Variants in HSPA4L observed in about 807,000 individuals in gnomAD.
The protein encoded by HSPA4L is heat shock 70 kDa protein 4L.
In HSPA4L, 48 loss-of-function variants were observed where a neutral mutation model predicts 100.3. The observed-to-expected ratio is 0.48, with a 90% CI of 0.38 to 0.61. The LOEUF (loss-of-function observed/expected upper bound fraction) is 0.61, where lower values mean the gene tolerates loss of function less well. HSPA4L is among the 20% of genes least tolerant of loss of function. The pLI is 0.00. For missense variants in HSPA4L, 886 were observed against 988.6 expected (o/e 0.90, Z 1.39); for synonymous variants, 319 against 328.2 (o/e 0.97, Z 0.30).
At chr4:127,801,536 G>A (rs1010345696) in intron 5 of HSPA4L, among the ~76,000 whole-genome samples, 3 of 150,678 alleles carry the variant, frequency 2.0e-5, no homozygotes, top group African/African-American at 7.4e-5. Context: ...TTACTTTGTA[G>A]TACAACTTTT....
chr4:127,831,328 C>T (rs1734075111), intron 18 of HSPA4L, among the ~76,000 whole-genome samples: 1 of 151,656 alleles, frequency 6.6e-6, no homozygotes, highest in African/African-American at 2.4e-5. Flanking sequence ...TGGTGAAACC[C>T]CATCTCTACA....
rs1734254630 is a variant in HSPA4L, at chr4:127,838,116, A to C, written c.*5242A>C. On this transcript the variant is annotated 3_prime_UTR_variant, in exon 19 of 19. Transcript: ENST00000296464. Reference sequence around the variant, plus strand: ...CCGCACCTGGCCAATGTTCTTTTATATACTCATGTTTTCTAACAAAACAGC... The same window carrying C: ...CCGCACCTGGCCAATGTTCTTTTATCTACTCATGTTTTCTAACAAAACAGC... The C allele has an allele frequency of 6.6e-6, 1 of 152,120 alleles. No individual in the cohort carries two copies. The highest frequency in any genetic ancestry group is 2.4e-5 in the African/African-American group (1 of 41,424). 9.4% of individuals were successfully genotyped at this position (152,120 alleles called of 1,614,324 possible).
In HSPA4L at chr4:127,833,874, C is replaced by CACTTAT. The variant is rs1157600709; in HGVS notation, c.*1003_*1008dup. 5 of 152,060 alleles carry CACTTAT rather than the reference C, an allele frequency of 3.3e-5. No individual in the cohort carries two copies. The East Asian group carries it at 9.6e-4, about 29-fold the overall frequency. 9.4% of individuals were successfully genotyped at this position (152,060 alleles called of 1,614,324 possible). On this transcript the variant is annotated 3_prime_UTR_variant, in exon 19 of 19. Coordinates refer to ENST00000296464, the MANE Select transcript of HSPA4L (RefSeq NM_014278.4). The stretch of plus-strand genomic sequence containing the variant: ...TTAAGTGGTAATACTTGAAAAGGAG[C>CACTTAT]ACTTATACCATAAGTCTTAGGAAAT...
chr4:127,800,296 A>G (rs1005413157), intron 4 of HSPA4L, among the ~76,000 whole-genome samples: 11 of 151,878 alleles, frequency 7.2e-5, no homozygotes, highest in Admixed American at 7.2e-4. Context: ...CCGTCTCTAC[A>G]GTTTTGTTTT....
At chr4:127,828,007 T>G (rs1733991095) in intron 17 of HSPA4L, among the ~76,000 whole-genome samples, 2 of 152,144 alleles carry the variant, frequency 1.3e-5, no homozygotes, top group Admixed American at 1.3e-4. Flanking sequence ...AGCTTATTGT[T>G]TTGTTTCCTC....
intron 6 of HSPA4L, 42 bp from the exon 7 acceptor site, chr4:127,803,587 C>A: frequency 1.4e-6 from 2 of 1,428,756 alleles, no homozygotes; most frequent in South Asian, 1.6e-5. Flanking sequence ...TTGGAAGAAT[C>A]TATATTTCTG....
At chr4:127,786,411 T>G (rs1732719269) in intron 1 of HSPA4L, among the ~76,000 whole-genome samples, 1 of 152,234 alleles carries the variant, frequency 6.6e-6, no homozygotes, top group Admixed American at 6.5e-5. Context: ...AATAAATGTC[T>G]AATTTTAGCT....
intron 18 of HSPA4L, among the ~76,000 whole-genome samples, chr4:127,831,976 A>C (rs978211746): frequency 1.3e-5 from 2 of 151,938 alleles, no homozygotes; most frequent in Admixed American, 6.6e-5. Flanking sequence ...AGATGAGATG[A>C]GATGTGGAGT....
At position 127,819,999 on chromosome 4, in the gene HSPA4L, G is replaced by A. The variant is rs1297585862; in HGVS notation, c.1675-429G>A. On this transcript the variant is annotated intron_variant, in intron 13 of 18. Transcript: ENST00000296464. ...ATATACCTAGGAATGGAATTGCTGG[G>A]TCATAATTGTTTAACATTTTTGTTA... Among the ~76,000 whole-genome samples the A allele has an allele frequency of 3.9e-5, 6 of 152,034 alleles. No homozygotes were observed. In the East Asian group the frequency reaches 1.2e-3, roughly 29 times the overall value.
In HSPA4L at chr4:127,803,698, T is replaced by G. The variant is rs1733260148; in HGVS notation, c.733T>G (p.Cys245Gly). 1 of 1,613,814 alleles carries G rather than the reference T, an allele frequency of 6.2e-7. No individual in the cohort carries two copies. Among genetic ancestry groups the G allele is most frequent in the African/African-American group, 1.3e-5 (1 of 74,914 alleles). The change falls in exon 7 of 19, where the codon TGT becomes GGT. Residue 245 changes from cysteine to glycine, a missense_variant. Cys to Gly is a radical substitution (Grantham distance 159). Coordinates refer to ENST00000296464, the MANE Select transcript of HSPA4L (RefSeq NM_014278.4). ...NFDEALVDYF[C>G]DEFKTKYKIN... ...TGATGAGGCTTTAGTAGACTACTTC[T>G]GTGATGAGTTCAAGACCAAATATAA...
At position 127,830,761 on chromosome 4, in the gene HSPA4L, C is replaced by A; in HGVS notation, c.2290C>A (p.Pro764Thr). The change falls in exon 18 of 19, where the codon CCT becomes ACT. Residue 764 changes from proline to threonine, a missense_variant. Physicochemically the swap from Pro to Thr is conservative, Grantham distance 38. Coordinates refer to ENST00000296464, the MANE Select transcript of HSPA4L (RefSeq NM_014278.4). ...AQNKLSLTQDPVVKVSEIVAK... is the reference protein window; with the variant it reads ...AQNKLSLTQDTVVKVSEIVAK... Reference sequence around the variant, plus strand: ...GAACAAACTAAGTCTCACTCAAGATCCTGTGGTAAAAGTTTCAGAAATAGT... The same window carrying A: ...GAACAAACTAAGTCTCACTCAAGATACTGTGGTAAAAGTTTCAGAAATAGT... 1.3e-6 allele frequency: 2 copies of A among 1,596,512 alleles called. No individual in the cohort carries two copies. Among genetic ancestry groups the A allele is most frequent in the African/African-American group, 1.4e-5 (1 of 73,864 alleles).
intron 12 of HSPA4L, among the ~76,000 whole-genome samples, chr4:127,816,962 G>T (rs1001918559): frequency 6.6e-6 from 1 of 152,062 alleles, no homozygotes; most frequent in Non-Finnish European, 1.5e-5. Flanking sequence ...ACAAAAATTA[G>T]AGTTAATAAC....
rs374915463 is a variant in HSPA4L, at chr4:127,832,774, A to G, written c.2420A>G (p.Asn807Ser). ...EDKPKANSEHNGPMDGQSGTE... is the reference protein window; with the variant it reads ...EDKPKANSEHSGPMDGQSGTE... Reference sequence around the variant, plus strand: ...AAACCAAAAGCTAATAGTGAACACAATGGCCCAATGGATGGACAGAGTGGA... The same window carrying G: ...AAACCAAAAGCTAATAGTGAACACAGTGGCCCAATGGATGGACAGAGTGGA... Residue 807 changes from asparagine to serine, a missense_variant, in exon 19 of 19, where the codon AAT becomes AGT. Coordinates refer to ENST00000296464, the MANE Select transcript of HSPA4L (RefSeq NM_014278.4). 25 of 1,613,866 alleles carry G rather than the reference A, an allele frequency of 1.5e-5. No homozygotes were observed. The highest frequency in any genetic ancestry group is 1.6e-4 in the Middle Eastern group (1 of 6,062).
chr4:127,787,273 T>TA (rs1351541330), intron 1 of HSPA4L, among the ~76,000 whole-genome samples: 1 of 152,180 alleles, frequency 6.6e-6, no homozygotes, highest in African/African-American at 2.4e-5. Flanking sequence ...GTGGCTATAA[T>TA]AGATGGGCAT....
chr4:127,818,883 TAA>T (rs1046596410), intron 13 of HSPA4L, among the ~76,000 whole-genome samples: 2 of 140,896 alleles, frequency 1.4e-5, no homozygotes, highest in Admixed American at 7.1e-5. Context: ...CTTAAAAGTT[TAA>T]AAAAAAAAAA....
At chr4:127,820,402 T>C (rs755973954) in intron 13 of HSPA4L, 26 bp from the exon 14 acceptor site, 1 of 1,559,012 alleles carries the variant, frequency 6.4e-7, no homozygotes. Context: ...ATTTTAGAAA[T>C]TTATACTTCT....
At chr4:127,789,667 T>A (rs1315365058) in intron 1 of HSPA4L, among the ~76,000 whole-genome samples, 1 of 151,420 alleles carries the variant, frequency 6.6e-6, no homozygotes, top group Admixed American at 6.6e-5. Flanking sequence ...AAGAAAACCC[T>A]CCCTTTATTT....
In HSPA4L at chr4:127,822,758, T is replaced by A. The variant is rs781750182; in HGVS notation, c.1813-11T>A. 4 of 1,611,920 alleles carry A rather than the reference T, an allele frequency of 2.5e-6. No individual in the cohort carries two copies. The highest frequency in any genetic ancestry group is 3.4e-6 in the Non-Finnish European group (4 of 1,179,284). On this transcript the variant is annotated splice_polypyrimidine_tract_variant and intron_variant, in intron 14 of 18. Transcript: ENST00000296464. Reference sequence around the variant, plus strand: ...ATTCTTATGGCAACTAATCTGAAGCTTTTTGAATAGGGGAAGATGATCATG... The same window carrying A: ...ATTCTTATGGCAACTAATCTGAAGCATTTTGAATAGGGGAAGATGATCATG...
At position 127,833,618 on chromosome 4, in the gene HSPA4L, A is replaced by T. The variant is rs1053623134; in HGVS notation, c.*744A>T. The T allele has an allele frequency of 1.3e-5, 2 of 152,244 alleles. No individual in the cohort carries two copies. The highest frequency in any genetic ancestry group is 4.8e-5 in the African/African-American group (2 of 41,472). 9.4% of individuals were successfully genotyped at this position (152,244 alleles called of 1,614,324 possible). On this transcript the variant is annotated 3_prime_UTR_variant, in exon 19 of 19. Coordinates refer to ENST00000296464, the MANE Select transcript of HSPA4L (RefSeq NM_014278.4). The stretch of plus-strand genomic sequence containing the variant: ...TAAAACAATGCTAGCCTAAAGATAC[A>T]GGAGTCTCTGACAAAATGACTTTCA...
Sources: gnomAD v4.1 joint callset for allele counts (sites outside exome capture counted in the v4.1 genomes callset) on GRCh38, gnomAD v4.1.1 for gene constraint, MANE v1.5 for transcripts, NCBI Gene and HGNC (gene_info 2026-07-23, HGNC 2026-07-21) for gene names.